The following EYS variants were observed in gnomAD, a reference collection of about 807,000 sequenced individuals.
EYS encodes EGF-like photoreceptor maintenance factor, also known as protein eyes shut homolog.
In EYS, 250 loss-of-function variants were observed where a neutral mutation model predicts 282.1. That is an observed-to-expected ratio of 0.89 (90% CI 0.80 to 0.98). The LOEUF is 0.98. EYS is among the 50% of genes least tolerant of loss of function. The pLI is 0.00. For missense variants in EYS, 4,016 were observed against 3,709.0 expected, an observed-to-expected ratio of 1.08 and a Z score of -2.15; for synonymous variants, 1,355 against 1,282.9, an observed-to-expected ratio of 1.06 and a Z score of -1.20.
intron 2 of EYS, among the ~76,000 whole-genome samples, chr6:65,586,669 A>G (rs1765059069): frequency 6.6e-6 from 1 of 152,126 alleles, no homozygotes; most frequent in African/African-American, 2.4e-5. Context: ...TGCACTTAAA[A>G]AGTTAAGGAA....
In EYS at chr6:64,972,923, C is replaced by T. The variant is rs192490742; in HGVS notation, c.2259+24659G>A. ...AAAAGCCTACTTTCCCAATTCACCT[C>T]TAATGTATATGAATCCAAATTAAAT... On this transcript the variant is annotated intron_variant, in intron 14 of 42. Transcript: ENST00000503581. Among the ~76,000 whole-genome samples the T allele has an allele frequency of 4.6e-5, 7 of 152,128 alleles. No individual in the cohort carries two copies. The East Asian group carries it at 1.2e-3, about 25-fold the overall frequency.
At chr6:64,670,230 C>A (rs1188147181) in intron 22 of EYS, among the ~76,000 whole-genome samples, 1 of 151,980 alleles carries the variant, frequency 6.6e-6, no homozygotes, top group East Asian at 1.9e-4. Context: ...ACAGATGACT[C>A]GTGGATCCTT....
intron 1 of EYS, among the ~76,000 whole-genome samples, chr6:65,658,586 T>G (rs1767902383): frequency 6.6e-6 from 1 of 151,708 alleles, no homozygotes; most frequent in African/African-American, 2.4e-5. Context: ...GTATTTTGAG[T>G]GATCAATCTA....
chr6:65,274,534 A>C (rs1364914393), intron 12 of EYS, among the ~76,000 whole-genome samples: 1 of 152,178 alleles, frequency 6.6e-6, no homozygotes, highest in Non-Finnish European at 1.5e-5. Flanking sequence ...CATAAGGACC[A>C]CCAGAAGTAG....
intron 35 of EYS, among the ~76,000 whole-genome samples, chr6:63,901,175 G>A (rs1217904556): frequency 6.6e-6 from 1 of 152,140 alleles, no homozygotes; most frequent in Non-Finnish European, 1.5e-5. Flanking sequence ...CCAGTGAAGA[G>A]TTAGAAATTA....
chr6:64,856,810 C>T (rs756857478), intron 19 of EYS, among the ~76,000 whole-genome samples: 6 of 151,756 alleles, frequency 4.0e-5, no homozygotes, highest in Non-Finnish European at 8.8e-5. Flanking sequence ...GGATCAAGCT[C>T]TAGTTGCTAT....
chr6:63,751,314 T>C (rs536604514), intron 41 of EYS, among the ~76,000 whole-genome samples: 3 of 152,316 alleles, frequency 2.0e-5, no homozygotes, highest in Admixed American at 1.3e-4. Context: ...TTTTGTTTAA[T>C]AAAAAACATT....
At chr6:64,420,080 C>G (rs1380490741) in intron 28 of EYS, among the ~76,000 whole-genome samples, 1 of 152,190 alleles carries the variant, frequency 6.6e-6, no homozygotes, top group Non-Finnish European at 1.5e-5. Context: ...AGATTTCACA[C>G]CTAGATTTCA....
chr6:64,092,103 A>G (rs1414213142), intron 31 of EYS, among the ~76,000 whole-genome samples: 1 of 152,180 alleles, frequency 6.6e-6, no homozygotes, highest in African/African-American at 2.4e-5. Flanking sequence ...ATGGCTGCAT[A>G]GTGTTCCATG....
intron 11 of EYS, among the ~76,000 whole-genome samples, chr6:65,326,223 T>C (rs1038777296): frequency 1.3e-5 from 2 of 152,082 alleles, no homozygotes; most frequent in South Asian, 4.1e-4. Flanking sequence ...TTCTCAATCT[T>C]GTGTCACGTT....
rs1021838031 is a variant in EYS at position 64,336,656 on chromosome 6, A to T, written c.6079-29574T>A. Among the ~76,000 whole-genome samples, 3 of 152,160 alleles carry T rather than the reference A, an allele frequency of 2.0e-5. No individual in the cohort carries two copies. In the East Asian group the frequency reaches 5.8e-4, roughly 29 times the overall value. On this transcript the variant is annotated intron_variant, in intron 29 of 42. Transcript: ENST00000503581. ...AGATATATACAGAACATTTTATTCA[A>T]CAAGCGCAGAATACACATTCTATTC... is the stretch of plus-strand genomic sequence containing the variant.
chr6:65,519,271 C>T (rs1767255842), intron 2 of EYS, among the ~76,000 whole-genome samples: 1 of 151,484 alleles, frequency 6.6e-6, no homozygotes, highest in African/African-American at 2.4e-5. Flanking sequence ...TTTCAATATA[C>T]ATTGTTGCCT....
At chr6:65,282,046 G>A (rs1768236823) in intron 12 of EYS, among the ~76,000 whole-genome samples, 1 of 151,816 alleles carries the variant, frequency 6.6e-6, no homozygotes, top group Non-Finnish European at 1.5e-5. Flanking sequence ...CATAGCAACA[G>A]AGTAGAGTGA....
chr6:65,533,165 C>T (rs1272341828), intron 2 of EYS, among the ~76,000 whole-genome samples: 1 of 151,934 alleles, frequency 6.6e-6, no homozygotes, highest in Non-Finnish European at 1.5e-5. Context: ...ACACCGATCC[C>T]ACAGAAATAC....
At chr6:65,227,026 G>A (rs1307203386) in intron 12 of EYS, among the ~76,000 whole-genome samples, 2 of 152,052 alleles carry the variant, frequency 1.3e-5, no homozygotes, top group African/African-American at 4.8e-5. Flanking sequence ...CCTGAGATCG[G>A]GAGTGAGAGA....
At chr6:64,592,125 C>T (rs1766432012) in intron 25 of EYS, 136 bp from the exon 26 acceptor site, 2 of 540,704 alleles carry the variant, frequency 3.7e-6, no homozygotes, top group Non-Finnish European at 6.2e-6. Context: ...TTCTGTAAAT[C>T]ATATTTCTAA....
chr6:64,470,721 T>C (rs996492426), intron 26 of EYS, among the ~76,000 whole-genome samples: 1 of 152,148 alleles, frequency 6.6e-6, no homozygotes, highest in Non-Finnish European at 1.5e-5. Flanking sequence ...TTGGACTAGC[T>C]TAAGCAGAAG....
chr6:63,917,950 G>T (rs1484716398), intron 35 of EYS, among the ~76,000 whole-genome samples: 1 of 152,178 alleles, frequency 6.6e-6, no homozygotes, highest in Non-Finnish European at 1.5e-5. Context: ...GAGTCACTCA[G>T]CAAGGAAAGT....
chr6:63,823,400 C>G (rs968751337), intron 36 of EYS, among the ~76,000 whole-genome samples: 2 of 152,056 alleles, frequency 1.3e-5, no homozygotes, highest in African/African-American at 4.8e-5. Context: ...GTTTAATTAC[C>G]TTTGAAGATG....
Sources: allele counts gnomAD v4.1 joint callset (sites outside exome capture counted in the v4.1 genomes callset), GRCh38; gene constraint gnomAD v4.1.1; transcripts MANE v1.5; gene names NCBI Gene and HGNC (gene_info 2026-07-23, HGNC 2026-07-21).